ESR2: variants seen among roughly 807,000 people sequenced by gnomAD.
ESR2 encodes the protein estrogen receptor 2, also known as estrogen receptor beta.
ESR2 carries 36 observed loss-of-function variants against 49.6 expected under a neutral mutation model. That is an observed-to-expected ratio of 0.73 (90% CI 0.56 to 0.96). The LOEUF (loss-of-function observed/expected upper bound fraction) is 0.96. Ranked by LOEUF, ESR2 falls within the 40% of genes least tolerant of loss-of-function variation. The pLI is 0.00. For synonymous variants in ESR2, 320 were observed against 266.1 expected (o/e 1.20, Z -1.97); for missense variants, 714 against 693.0 (o/e 1.03, Z -0.34).
intron 3 of ESR2, among the ~76,000 whole-genome samples, chr14:64,271,033 T>C (rs1289245664): frequency 6.6e-6 from 1 of 152,244 alleles, no homozygotes; most frequent in Non-Finnish European, 1.5e-5. Flanking sequence ...TATTATTAAC[T>C]ATACTTCATA....
At chr14:64,287,018 G>A (rs2076795039) in intron 1 of ESR2, among the ~76,000 whole-genome samples, 1 of 149,418 alleles carries the variant, frequency 6.7e-6, no homozygotes, top group African/African-American at 2.5e-5. Context: ...TGCCTGGCCT[G>A]AAGTTGTTTT....
rs1392365441 is a variant in ESR2, at chr14:64,230,451, GAT to G, written c.*2684_*2685del. On this transcript the variant is annotated 3_prime_UTR_variant, in exon 9 of 9. Transcript: ENST00000341099. ...ATTTTTCTTCCTTACTGAAATCTAAGATAGTTGCCCTTCCAGCTGAGTTAGCA... is the reference window on the plus strand; with the variant it reads ...ATTTTTCTTCCTTACTGAAATCTAAGAGTTGCCCTTCCAGCTGAGTTAGCA... Among the ~76,000 whole-genome samples, 1 of 152,058 alleles carries G rather than the reference GAT, an allele frequency of 6.6e-6. No individual in the cohort carries two copies. Among genetic ancestry groups the G allele is most frequent in the Non-Finnish European group, 1.5e-5 (1 of 68,020 alleles).
intron 6 of ESR2, among the ~76,000 whole-genome samples, chr14:64,254,860 G>A (rs767514952): frequency 2.7e-5 from 4 of 149,636 alleles, no homozygotes; most frequent in Non-Finnish European, 5.9e-5. Context: ...CAACATGAAT[G>A]CATTTACAAT....
At chr14:64,252,067 G>A (rs930176210) in intron 6 of ESR2, among the ~76,000 whole-genome samples, 6 of 152,166 alleles carry the variant, frequency 3.9e-5, no homozygotes, top group East Asian at 3.8e-4. Flanking sequence ...TGTAATCCTC[G>A]TGCTTTGGGG....
At chr14:64,243,528 A>G (rs544211660) in intron 7 of ESR2, among the ~76,000 whole-genome samples, 66 of 152,312 alleles carry the variant, frequency 4.3e-4, no homozygotes, top group African/African-American at 1.5e-3. Flanking sequence ...ATGAAATGGG[A>G]TGTGTCTCTA....
intron 6 of ESR2, among the ~76,000 whole-genome samples, chr14:64,252,441 A>C (rs2076008710): frequency 6.6e-6 from 1 of 152,240 alleles, no homozygotes; most frequent in Non-Finnish European, 1.5e-5. Context: ...ACTACTAAAT[A>C]AAATCAGTAA....
intron 2 of ESR2, among the ~76,000 whole-genome samples, chr14:64,281,130 A>G (rs1298420141): frequency 6.6e-6 from 1 of 152,140 alleles, no homozygotes; most frequent in African/African-American, 2.4e-5. Context: ...AAAAGAAGAG[A>G]GAAGAGAAGA....
chr14:64,306,332 G>A (rs2987980), intron 1 of ESR2, among the ~76,000 whole-genome samples: 2 of 152,112 alleles, frequency 1.3e-5, no homozygotes, highest in Admixed American at 6.5e-5. Context: ...AAATGCTTCT[G>A]CTACTCCACT....
chr14:64,289,461 G>C (rs922399469), intron 1 of ESR2, among the ~76,000 whole-genome samples: 10 of 151,670 alleles, frequency 6.6e-5, no homozygotes, highest in Non-Finnish European at 1.2e-4. Flanking sequence ...GCAGTGAGCT[G>C]AGATTGTGCC....
intron 1 of ESR2, among the ~76,000 whole-genome samples, chr14:64,328,441 T>C (rs550574916): frequency 1.1e-4 from 17 of 152,076 alleles, no homozygotes; most frequent in African/African-American, 4.1e-4. Context: ...AGATTTCTAA[T>C]GAAAACAGCT....
chr14:64,292,483 AT>A (rs532001863), intron 1 of ESR2, among the ~76,000 whole-genome samples: 2 of 152,150 alleles, frequency 1.3e-5, no homozygotes, highest in African/African-American at 2.4e-5. Flanking sequence ...CTGTAGCCTA[AT>A]TTTTTTAAAG....
chr14:64,298,856 A>G (rs1416000370), upstream of ESR2, among the ~76,000 whole-genome samples: 1 of 152,182 alleles, frequency 6.6e-6, no homozygotes, highest in Non-Finnish European at 1.5e-5. Flanking sequence ...TTAAGTTTCT[A>G]ATTTTCTATG....
chr14:64,267,042 G>T (rs940416446), intron 4 of ESR2, among the ~76,000 whole-genome samples: 2 of 152,028 alleles, frequency 1.3e-5, no homozygotes, highest in Admixed American at 1.3e-4. Context: ...CACCACGCCC[G>T]GCTAATTTTT....
At chr14:64,324,455 TAATA>T (rs2077365509) in intron 1 of ESR2, among the ~76,000 whole-genome samples, 1 of 152,208 alleles carries the variant, frequency 6.6e-6, no homozygotes, top group South Asian at 2.1e-4. Flanking sequence ...AATATTAGAA[TAATA>T]AATAGTTAAT....
chr14:64,305,511 A>C (rs1219914539), intron 1 of ESR2, among the ~76,000 whole-genome samples: 1 of 151,366 alleles, frequency 6.6e-6, no homozygotes, highest in Non-Finnish European at 1.5e-5. Context: ...TCTACTAAAA[A>C]TACAAAAAAA....
Position 64,230,863 on chromosome 14 carries a change from A to ATT in ESR2, c.*2273_*2274insAA. On this transcript the variant is annotated 3_prime_UTR_variant, in exon 9 of 9. Coordinates refer to ENST00000341099, the MANE Select transcript of ESR2 (RefSeq NM_001437.3). ...TTAAGATCTACTCTCAAAAAAAAAAAATTATATATATATATATATATATAT... is the reference window on the plus strand; with the variant it reads ...TTAAGATCTACTCTCAAAAAAAAAAATTATTATATATATATATATATATATAT... The ATT allele has an allele frequency of 1.1e-5, 1 of 89,132 alleles. No homozygotes were observed. Among genetic ancestry groups the ATT allele is most frequent in the African/African-American group, 6.0e-5 (1 of 16,766 alleles). The allele number at this position is 89,132 out of a possible 1,614,324, so 5.5% of individuals were successfully genotyped here.
chr14:64,300,993 C>A (rs2077015270), intron 1 of ESR2, among the ~76,000 whole-genome samples: 2 of 152,278 alleles, frequency 1.3e-5, no homozygotes, highest in East Asian at 3.9e-4. Context: ...CCTTTGCCTG[C>A]ACTATTTAAT....
chr14:64,242,450 AAAT>A (rs2075752355), intron 7 of ESR2, among the ~76,000 whole-genome samples: 5 of 145,746 alleles, frequency 3.4e-5, no homozygotes, highest in South Asian at 2.1e-4. Flanking sequence ...CAAACAAAAA[AAAT>A]ATATATATAT....
intron 2 of ESR2, among the ~76,000 whole-genome samples, chr14:64,280,396 C>T (rs549380613): frequency 2.0e-5 from 3 of 152,160 alleles, no homozygotes; most frequent in Non-Finnish European, 2.9e-5. Flanking sequence ...TGCCCATCCA[C>T]GTGATGCTGA....
Sources: allele counts gnomAD v4.1 joint callset (sites outside exome capture counted in the v4.1 genomes callset), GRCh38; gene constraint gnomAD v4.1.1; transcripts MANE v1.5; gene names NCBI Gene and HGNC (gene_info 2026-07-23, HGNC 2026-07-21).